The following TAPBP variants were observed in gnomAD, a reference collection of about 807,000 sequenced individuals.
The protein encoded by TAPBP is tapasin.
A neutral mutation model predicts 45.7 loss-of-function variants in TAPBP; 38 were observed. The ratio of observed to expected loss-of-function variants is 0.83; its 90% CI spans 0.64 to 1.09. TAPBP has a LOEUF of 1.09. Ranked by LOEUF, TAPBP falls within the 50% of genes least tolerant of loss-of-function variation. TAPBP has a pLI of 0.00. For missense variants in TAPBP, 513 were observed against 587.3 expected (o/e 0.87, Z 1.31); for synonymous variants, 226 against 254.8 (o/e 0.89, Z 1.08).
rs779723635 is a variant in TAPBP at position 33,313,190 on chromosome 6, C to T, written c.469+27G>A. The T allele has an allele frequency of 3.1e-6, 5 of 1,591,506 alleles. No homozygotes were observed. The Admixed American group carries it at 5.1e-5, about 16-fold the overall frequency. On this transcript the variant is annotated intron_variant, in intron 3 of 7. Coordinates refer to ENST00000434618, the MANE Select transcript of TAPBP (RefSeq NM_003190.5). The surrounding 1 kb of genome is among the most constrained non-coding windows in gnomAD (Gnocchi z 7.2). ...ATCTGGACCCTTAGAATCTACCCAC[C>T]CTTCTCCACCTCCCCTCCCCAGCTA...
chr6:33,307,701 C>T lies in TAPBP; in HGVS notation c.470-2314G>A, dbSNP rs536542745. Among the ~76,000 whole-genome samples, 4 of 152,226 alleles carry T rather than the reference C, an allele frequency of 2.6e-5. No homozygotes were observed. The South Asian group carries it at 8.3e-4, about 32-fold the overall frequency. On this transcript the variant is annotated intron_variant, in intron 3 of 7. Transcript: ENST00000434618. ...ACAGGCATGAGCCACCACGCCTGGCCTCTAGCTCTGCTTCTTACACACTGT... is the reference window on the plus strand; with the variant it reads ...ACAGGCATGAGCCACCACGCCTGGCTTCTAGCTCTGCTTCTTACACACTGT...
At chr6:33,306,347 T>G (rs530118226) in intron 3 of TAPBP, among the ~76,000 whole-genome samples, 37 of 152,244 alleles carry the variant, frequency 2.4e-4, no homozygotes, top group Non-Finnish European at 5.1e-4. Context: ...CTCAGACTCA[T>G]TTATTCATTC....
intron 7 of TAPBP, among the ~76,000 whole-genome samples, chr6:33,302,363 T>TG (rs1768650564): frequency 6.6e-6 from 1 of 151,806 alleles, no homozygotes; most frequent in African/African-American, 2.4e-5. Context: ...CTCACTCTGT[T>TG]GCCCAGGCTG....
Position 33,304,618 on chromosome 6 carries a change from T to C in TAPBP, c.889A>G (p.Met297Val), listed in dbSNP as rs901869556. 10 of 1,580,724 alleles carry C rather than the reference T, an allele frequency of 6.3e-6. No individual in the cohort carries two copies. Among genetic ancestry groups the C allele is most frequent in the Non-Finnish European group, 8.6e-6 (10 of 1,168,168 alleles). The change falls in exon 5 of 8, where the codon ATG (methionine) becomes GTG (valine). Residue 297 changes from methionine to valine, a missense_variant. By Grantham distance (21) the Met-to-Val change is conservative. Coordinates refer to ENST00000434618, the MANE Select transcript of TAPBP (RefSeq NM_003190.5). Reference protein sequence around the residue: ...AVYKPPKVSLMPATLARAAPG... With the variant: ...AVYKPPKVSLVPATLARAAPG... ...GCGGCCCGTGCAAGGGTTGCTGGCA[T>C]CAGGGACACTTTGGGGGGTTCTGGG...
At chr6:33,303,414 CA>C (rs971766653) in intron 7 of TAPBP, among the ~76,000 whole-genome samples, 33 of 145,136 alleles carry the variant, frequency 2.3e-4, no homozygotes, top group Admixed American at 1.5e-3. Flanking sequence ...GACTCTGTCT[CA>C]AAAAAAAAGA....
rs773164434 is a variant in TAPBP, at chr6:33,305,435, AAAG to A, written c.470-51_470-49del. The stretch of plus-strand genomic sequence containing the variant: ...GGGTTGGGAGGGGCATGAGGGAGAG[AAAG>A]AAGGAGAAAAAAATAGAGAAATGCA... On this transcript the variant is annotated intron_variant, in intron 3 of 7. Coordinates refer to ENST00000434618, the MANE Select transcript of TAPBP (RefSeq NM_003190.5). This position sits in a 1 kb window ranked among gnomAD's most constrained non-coding sequence, Gnocchi z 4.4. 2.4e-5 allele frequency: 36 copies of A among 1,473,934 alleles called. No individual in the cohort carries two copies. Among genetic ancestry groups the A allele is most frequent in the Non-Finnish European group, 3.1e-5 (34 of 1,111,576 alleles). The allele number at this position is 1,473,934 out of a possible 1,614,324, so 91.3% of individuals were successfully genotyped here.
At chr6:33,303,518 A>T (rs998716810) in intron 7 of TAPBP, 23 of 534,632 alleles carry the variant, frequency 4.3e-5, no homozygotes, top group Non-Finnish European at 4.9e-5. Flanking sequence ...CAAAGATATT[A>T]AATATATGCA....
rs555902331 is a variant in TAPBP at position 33,307,014 on chromosome 6, G to A, written c.470-1627C>T. On this transcript the variant is annotated intron_variant, in intron 3 of 7. Coordinates refer to ENST00000434618, the MANE Select transcript of TAPBP (RefSeq NM_003190.5). ...AAAAAAATCCCAAATACGGCCAGGCGTGGTGGCTCACACCTGTAATCCCAA... is the reference window on the plus strand; with the variant it reads ...AAAAAAATCCCAAATACGGCCAGGCATGGTGGCTCACACCTGTAATCCCAA... Among the ~76,000 whole-genome samples the A allele has an allele frequency of 1.0e-4, 15 of 150,542 alleles. 1 individual carries two copies. In the South Asian group the frequency reaches 1.1e-3, roughly 11 times the overall value.
In TAPBP at chr6:33,305,255, GGAGGGGGACCCGGAGCCAGAGAT is replaced by G. The variant is rs779391415; in HGVS notation, c.579_601del (p.Ser194LeufsTer12). ...CTGGCGTCGCCACTCTAGCCCAAAG[GGAGGGGGACCCGGAGCCAGAGAT>G]GAGGCGGCCTCGGAGGTGGGGGGCA... On this transcript the variant is annotated frameshift_variant, in exon 4 of 8. Coordinates refer to ENST00000434618, the MANE Select transcript of TAPBP (RefSeq NM_003190.5). LOFTEE classifies it high-confidence loss of function. This position sits in a 1 kb window ranked among gnomAD's most constrained non-coding sequence, Gnocchi z 4.4. 6.2e-7 allele frequency: 1 copy of G among 1,607,236 alleles called. No individual in the cohort carries two copies. Among genetic ancestry groups the G allele is most frequent in the Non-Finnish European group, 8.5e-7 (1 of 1,175,702 alleles).
At position 33,303,993 on chromosome 6, in the gene TAPBP, T is replaced by C. The variant is rs1318990092; in HGVS notation, c.1301-4A>G. ...TTGCAGGTGGACAGGTAGACAGCTG[T>C]GGGGAAAGATTGAGAAGGGATGGGA... is the stretch of plus-strand genomic sequence containing the variant. On this transcript the variant is annotated splice_region_variant and splice_polypyrimidine_tract_variant and intron_variant, in intron 6 of 7. Transcript: ENST00000434618. The C allele has an allele frequency of 7.4e-6, 12 of 1,613,210 alleles. No individual in the cohort carries two copies. Among genetic ancestry groups the C allele is most frequent in the Non-Finnish European group, 1.0e-5 (12 of 1,179,858 alleles).
In TAPBP at chr6:33,313,443, C is replaced by T. The variant is rs1306565945; in HGVS notation, c.243G>A (p.Arg81=). 1.3e-6 allele frequency: 2 copies of T among 1,593,982 alleles called. No individual in the cohort carries two copies. Among genetic ancestry groups the T allele is most frequent in the Non-Finnish European group, 1.7e-6 (2 of 1,167,464 alleles). ...GTGGTGCGGGGGCGCCCCGGGGATACCGCCTGAAGGCAGCCTGGAGGGCGC... is the reference window on the plus strand; with the variant it reads ...GTGGTGCGGGGGCGCCCCGGGGATATCGCCTGAAGGCAGCCTGGAGGGCGC... ...PAGALQAAFR[R]YPRGAPAPHC... is the part of the protein sequence containing the mutation. Residue 81 remains arginine, a synonymous_variant, in exon 3 of 8, where the codon CGG becomes CGA. Coordinates refer to ENST00000434618, the MANE Select transcript of TAPBP (RefSeq NM_003190.5). This position sits in a 1 kb window ranked among gnomAD's most constrained non-coding sequence, Gnocchi z 7.2.
At chr6:33,306,919 G>A (rs182333139) in intron 3 of TAPBP, among the ~76,000 whole-genome samples, 28 of 151,704 alleles carry the variant, frequency 1.8e-4, no homozygotes, top group Admixed American at 1.4e-3. Flanking sequence ...CAGAGGTTGC[G>A]GTGAGCCGAG....
Position 33,312,949 on chromosome 6 carries a change from A to G in TAPBP, c.469+268T>C, listed in dbSNP as rs562341006. 9.9e-6 allele frequency: 4 copies of G among 404,778 alleles called. No homozygotes were observed. The Admixed American group carries it at 1.6e-4, about 16-fold the overall frequency. 25.1% of individuals were successfully genotyped at this position (404,778 alleles called of 1,614,324 possible). A position where few individuals can be genotyped will look rare whatever the true frequency, so the allele number is the denominator to read the frequency against. ...TCTTCAAAGCCCCGCCCTTCGAAACACCAGAAAGTAACCCCCCTGCCCGGC... is the reference window on the plus strand; with the variant it reads ...TCTTCAAAGCCCCGCCCTTCGAAACGCCAGAAAGTAACCCCCCTGCCCGGC... On this transcript the variant is annotated intron_variant, in intron 3 of 7. Transcript: ENST00000434618.
intron 4 of TAPBP, 66 bp from the exon 5 acceptor site, chr6:33,304,704 A>C (rs1768841861): frequency 1.4e-5 from 21 of 1,480,688 alleles, no homozygotes; most frequent in Non-Finnish European, 1.9e-5. Context: ...AGAGACCCTC[A>C]GTTTGCCTGC....
rs1769561042 is a variant in TAPBP, at chr6:33,313,743, T to A, written c.159A>T (p.Glu53Asp). Residue 53 changes from glutamate to aspartate, a missense_variant, in exon 2 of 8, where the codon GAA (glutamate) becomes GAT (aspartate). Coordinates refer to ENST00000434618, the MANE Select transcript of TAPBP (RefSeq NM_003190.5). This position sits in a 1 kb window ranked among gnomAD's most constrained non-coding sequence, Gnocchi z 7.2. ...GGTCGAGGTCCGGCCGGGGCGGCGGTTCCCCCGGTCCCTGGCGCAACAGCA... is the reference window on the plus strand; with the variant it reads ...GGTCGAGGTCCGGCCGGGGCGGCGGATCCCCCGGTCCCTGGCGCAACAGCA... ...GALLLRQGPG[E>D]PPPRPDLDPE... The A allele has an allele frequency of 2.5e-6, 4 of 1,613,506 alleles. No individual in the cohort carries two copies. Among genetic ancestry groups the A allele is most frequent in the Non-Finnish European group, 3.4e-6 (4 of 1,179,968 alleles).
At chr6:33,311,788 T>C (rs1769360071) in intron 3 of TAPBP, among the ~76,000 whole-genome samples, 1 of 152,212 alleles carries the variant, frequency 6.6e-6, no homozygotes, top group African/African-American at 2.4e-5. Context: ...GGATTATCCG[T>C]GGCAAATACG....
Position 33,299,764 on chromosome 6 carries a change from T to C in TAPBP, c.*1996A>G, listed in dbSNP as rs1278441349. 6.6e-6 allele frequency: 1 copy of C among 152,370 alleles called. No individual in the cohort carries two copies. Among genetic ancestry groups the C allele is most frequent in the Non-Finnish European group, 1.5e-5 (1 of 68,156 alleles). 9.4% of individuals were successfully genotyped at this position (152,370 alleles called of 1,614,324 possible). A position where few individuals can be genotyped will look rare whatever the true frequency, so the allele number is the denominator to read the frequency against. ...GTTACCCCGTGGGTCTGGCCGACCG[T>C]CCTGACTCGGAGATCCCTGAGCTGC... On this transcript the variant is annotated 3_prime_UTR_variant, in exon 8 of 8. Coordinates refer to ENST00000434618, the MANE Select transcript of TAPBP (RefSeq NM_003190.5). This position sits in a 1 kb window ranked among gnomAD's most constrained non-coding sequence, Gnocchi z 5.0.
chr6:33,312,614 G>A lies in TAPBP; in HGVS notation c.469+603C>T, dbSNP rs578176222. The stretch of plus-strand genomic sequence containing the variant: ...AATAGGAGCTATCCAATCTCCAGCC[G>A]CGTCCATCCGCCCACTCGAGCCCAC... On this transcript the variant is annotated intron_variant, in intron 3 of 7. Transcript: ENST00000434618. Among the ~76,000 whole-genome samples the A allele has an allele frequency of 2.7e-3, 408 of 152,302 alleles. 5 individuals carry two copies. Among genetic ancestry groups the A allele is most frequent in the African/African-American group, 9.5e-3 (395 of 41,550 alleles).
chr6:33,303,718 T>C, intron 7 of TAPBP: 2 of 1,539,832 alleles, frequency 1.3e-6, no homozygotes, highest in Non-Finnish European at 1.8e-6. Context: ...ATCTTTCTAT[T>C]GGACAGCACT....
Sources: allele counts gnomAD v4.1 joint callset (sites outside exome capture counted in the v4.1 genomes callset), GRCh38; gene constraint gnomAD v4.1.1; non-coding constraint Gnocchi (gnomAD v3.1); transcripts MANE v1.5; gene names NCBI Gene and HGNC (gene_info 2026-07-23, HGNC 2026-07-21).